Variants in LTA4H observed in about 807,000 individuals in gnomAD.
The protein encoded by LTA4H is leukotriene A-4 hydrolase.
A neutral mutation model predicts 89.8 loss-of-function variants in LTA4H; 59 were observed. The observed-to-expected ratio is 0.66, with a 90% CI of 0.53 to 0.82. LTA4H has a LOEUF of 0.82. Among genes scored for constraint, LTA4H ranks in the 40% least tolerant of loss-of-function variants. LTA4H has a pLI of 0.00. For missense variants in LTA4H, 617 were observed against 727.0 expected (o/e 0.85, Z 1.74); for synonymous variants, 227 against 253.1 (o/e 0.90, Z 0.98).
chr12:96,013,714 C>T (rs757196558), intron 13 of LTA4H, 36 bp downstream of exon 13: 58 of 1,055,656 alleles, frequency 5.5e-5, no homozygotes, highest in Middle Eastern at 2.3e-4. Flanking sequence ...AGAGATATAT[C>T]GAGCATGAAA....
chr12:96,035,325 G>A, intron 1 of LTA4H, 36 bp downstream of exon 1: 2 of 1,566,562 alleles, frequency 1.3e-6, no homozygotes, highest in Non-Finnish European at 1.7e-6. Context: ...CAGGGAGCCC[G>A]GGAGAGGCGG....
At chr12:96,029,223 C>T in intron 1 of LTA4H, 38 bp from the exon 2 acceptor site, 2 of 1,256,396 alleles carry the variant, frequency 1.6e-6, no homozygotes, top group Non-Finnish European at 1.1e-6. Flanking sequence ...AAAATAGTTT[C>T]ATTTACCAGA....
chr12:96,029,350 T>C (rs1192312357), intron 1 of LTA4H, among the ~76,000 whole-genome samples, 165 bp from the exon 2 acceptor site: 1 of 152,214 alleles, frequency 6.6e-6, no homozygotes, highest in African/African-American at 2.4e-5. Flanking sequence ...TTTTTGGGAC[T>C]CTAAGCATCT....
intron 16 of LTA4H, among the ~76,000 whole-genome samples, chr12:96,004,279 G>C (rs1950159748): frequency 6.6e-6 from 1 of 152,136 alleles, no homozygotes; most frequent in Non-Finnish European, 1.5e-5. Context: ...CCATTCTCCA[G>C]ATGAAATCAT....
upstream of LTA4H, chr12:96,035,748 C>G (rs537591969): frequency 4.4e-6 from 5 of 1,132,626 alleles, no homozygotes; most frequent in Admixed American, 1.7e-4. Flanking sequence ...TACCTGGGAG[C>G]GTGTGTGTTA....
intron 1 of LTA4H, among the ~76,000 whole-genome samples, chr12:96,041,966 GTTTCTTTTTGTTTTTT>G (rs1256853439): frequency 2.0e-5 from 3 of 146,550 alleles, no homozygotes; most frequent in Non-Finnish European, 4.5e-5. Flanking sequence ...TAAATTAAAC[GTTTCTTTTTGTTTTTT>G]TTTCTTTTTT....
intron 18 of LTA4H, 92 bp from the exon 19 acceptor site, chr12:96,001,198 G>T: frequency 1.3e-6 from 1 of 755,688 alleles, no homozygotes; most frequent in Non-Finnish European, 2.3e-6. Context: ...GGAGGGAAGG[G>T]GTTCAGAGGA....
At chr12:96,041,135 A>AT (rs1427516370) in intron 1 of LTA4H, among the ~76,000 whole-genome samples, 1 of 151,930 alleles carries the variant, frequency 6.6e-6, no homozygotes, top group African/African-American at 2.4e-5. Context: ...GCTTTGGCAA[A>AT]TTTTTTTTAA....
chr12:96,041,901 A>G (rs932683506), intron 1 of LTA4H, among the ~76,000 whole-genome samples: 3 of 152,004 alleles, frequency 2.0e-5, no homozygotes, highest in Admixed American at 6.5e-5. Context: ...TCAGCCTCCC[A>G]AAGTGCTGGG....
Position 96,013,859 on chromosome 12 carries a change from A to T in LTA4H, c.1205-6T>A, listed in dbSNP as rs368275694. 7.9e-6 allele frequency: 10 copies of T among 1,262,084 alleles called. No individual in the cohort carries two copies. The highest frequency in any genetic ancestry group is 3.0e-5 in the African/African-American group (2 of 66,208). 78.2% of individuals were successfully genotyped at this position (1,262,084 alleles called of 1,614,324 possible). ...TAAGAATCCTAGGAAAATCTCTAAG[A>T]GTAAAAAAGAAAAGAAATCAATTCA... is the stretch of plus-strand genomic sequence containing the variant. On this transcript the variant is annotated splice_polypyrimidine_tract_variant and splice_region_variant and intron_variant, in intron 12 of 18. Coordinates refer to ENST00000228740, the MANE Select transcript of LTA4H (RefSeq NM_000895.3).
intron 16 of LTA4H, among the ~76,000 whole-genome samples, chr12:96,005,864 CAGCCTCCTGAGTAGCTGGGATT>C (rs2136860238): frequency 6.6e-6 from 1 of 152,248 alleles, no homozygotes; most frequent in African/African-American, 2.4e-5. Flanking sequence ...TCTCCTGCCT[CAGCCTCCTGAGTAGCTGGGATT>C]ACAGGCACCT....
At chr12:96,008,399 C>T (rs910789926) in intron 15 of LTA4H, among the ~76,000 whole-genome samples, 4 of 152,050 alleles carry the variant, frequency 2.6e-5, no homozygotes, top group Non-Finnish European at 4.4e-5. Context: ...AAAAGTGCTT[C>T]GATTCTTTGC....
At chr12:96,043,185 A>G (rs1196901580) in intron 1 of LTA4H, 3 of 809,958 alleles carry the variant, frequency 3.7e-6, no homozygotes, top group Non-Finnish European at 6.0e-6. Flanking sequence ...AGTAGTTGGC[A>G]AAGTGAGAAC....
rs1293992045 is a variant in LTA4H at position 96,022,369 on chromosome 12, CACAAAAAGTATATACATAT to C, written c.481-137_481-119del. The C allele has an allele frequency of 5.4e-5, 35 of 648,274 alleles. No homozygotes were observed. The highest frequency in any genetic ancestry group is 1.7e-4 in the South Asian group (9 of 52,400). The allele number at this position is 648,274 out of a possible 1,614,324, so 40.2% of individuals were successfully genotyped here. On this transcript the variant is annotated intron_variant, in intron 4 of 18. Transcript: ENST00000228740. This position sits in a 1 kb window ranked among gnomAD's most constrained non-coding sequence, Gnocchi z 4.0. ...GACTATCTAATAAACAGACTATGAACACAAAAAGTATATACATATACAAAAAGTATATATATACACACAC... is the reference window on the plus strand; with the variant it reads ...GACTATCTAATAAACAGACTATGAACACAAAAAGTATATATATACACACAC...
intron 1 of LTA4H, among the ~76,000 whole-genome samples, chr12:96,042,420 TCCTGAA>T (rs1196280270): frequency 6.6e-6 from 1 of 152,030 alleles, no homozygotes; most frequent in African/African-American, 2.4e-5. Context: ...CCTAGGCCTT[TCCTGAA>T]CCTTAAAGCA....
chr12:96,027,376 A>G, intron 3 of LTA4H, 68 bp downstream of exon 3: 13 of 1,437,168 alleles, frequency 9.0e-6, no homozygotes, highest in Non-Finnish European at 1.2e-5. Flanking sequence ...ACCACTGTTC[A>G]TTTTGCTTCA....
chr12:96,003,805 T>C (rs902921031), intron 17 of LTA4H, 33 bp downstream of exon 17: 11 of 1,507,314 alleles, frequency 7.3e-6, no homozygotes, highest in Admixed American at 1.7e-5. Context: ...AGTTTTCTGC[T>C]TTCTTCCACA....
chr12:96,015,510 G>A (rs746229544), intron 11 of LTA4H, 73 bp downstream of exon 11: 24 of 1,064,334 alleles, frequency 2.3e-5, no homozygotes, highest in Admixed American at 4.0e-5. Flanking sequence ...CAGTAAAGAC[G>A]CTTTTATAAA....
At position 96,000,993 on chromosome 12, in the gene LTA4H, T is replaced by C; in HGVS notation, c.1832A>G (p.Asp611Gly). Residue 611 changes from aspartate (D) to glycine (G), a missense_variant, in exon 19 of 19, where the codon GAT (aspartate) becomes GGT (glycine). Asp to Gly is a moderately conservative substitution (Grantham distance 94, BLOSUM62 -1). Around this residue, in one of 3 missense-constraint regions of LTA4H, gnomAD observed 290 missense variants for 339.1 expected, o/e 0.86. Transcript: ENST00000228740. Reference protein sequence around the residue: ...AMLVGKDLKVD With the variant: ...AMLVGKDLKVG ...AAATCATCAATACGCAGGTCTTTAATCCACTTTTAAGTCTTTCCCCACCAG... is the reference window on the plus strand; with the variant it reads ...AAATCATCAATACGCAGGTCTTTAACCCACTTTTAAGTCTTTCCCCACCAG... 6.2e-7 allele frequency: 1 copy of C among 1,605,860 alleles called. No homozygotes were observed. Among genetic ancestry groups the C allele is most frequent in the Non-Finnish European group, 8.5e-7 (1 of 1,172,454 alleles).
Sources: allele counts gnomAD v4.1 joint callset (sites outside exome capture counted in the v4.1 genomes callset), GRCh38; gene constraint gnomAD v4.1.1; regional missense constraint gnomAD v4.1.1; non-coding constraint Gnocchi (gnomAD v3.1); transcripts MANE v1.5; gene names NCBI Gene and HGNC (gene_info 2026-07-23, HGNC 2026-07-21).